The following PNPLA8 variants were observed in gnomAD, a reference collection of about 807,000 sequenced individuals.
The protein encoded by PNPLA8 is patatin like domain 8, phospholipase A2.
A neutral mutation model predicts 76.9 loss-of-function variants in PNPLA8; 39 were observed. The observed-to-expected ratio is 0.51, with a 90% CI of 0.39 to 0.66. The LOEUF (loss-of-function observed/expected upper bound fraction) is 0.66. PNPLA8 is among the 30% of genes least tolerant of loss of function. The pLI is 0.00. For missense variants in PNPLA8, 887 were observed against 918.0 expected, an observed-to-expected ratio of 0.97 and a Z score of 0.44; for synonymous variants, 301 against 307.9, an observed-to-expected ratio of 0.98 and a Z score of 0.24.
At chr7:108,497,370 G>A (rs1425553118) in intron 6 of PNPLA8, 113 bp downstream of exon 6, 2 of 655,254 alleles carry the variant, frequency 3.1e-6, no homozygotes, top group Non-Finnish European at 5.0e-6. Flanking sequence ...AAATTTTGGG[G>A]TATGGAGAGA....
intron 7 of PNPLA8, among the ~76,000 whole-genome samples, chr7:108,491,914 A>G (rs1277451256): frequency 6.6e-6 from 1 of 152,232 alleles, no homozygotes; most frequent in Non-Finnish European, 1.5e-5. Context: ...AGTTAGAGTA[A>G]CCAGGTGAGG....
intron 5 of PNPLA8, 90 bp downstream of exon 5, chr7:108,502,401 C>G (rs1598923733): frequency 1.8e-6 from 2 of 1,094,796 alleles, no homozygotes; most frequent in Non-Finnish European, 2.5e-6. Context: ...TGAGATTGTG[C>G]CACTGCACTC....
intron 1 of PNPLA8, among the ~76,000 whole-genome samples, chr7:108,523,164 G>A (rs1374997963): frequency 6.6e-6 from 1 of 152,162 alleles, no homozygotes; most frequent in Non-Finnish European, 1.5e-5. Context: ...CTTAGAGAAG[G>A]GAATGGAGTT....
At chr7:108,518,720 AATATATATATATATATATATAT>A (rs148834592) in intron 2 of PNPLA8, among the ~76,000 whole-genome samples, 5 of 123,952 alleles carry the variant, frequency 4.0e-5, no homozygotes, top group South Asian at 5.5e-4. Context: ...TATGCACATG[AATATATATATATATATATATAT>A]ATATATATAT....
chr7:108,514,108 C>T, intron 4 of PNPLA8, 36 bp downstream of exon 4: 1 of 1,456,396 alleles, frequency 6.9e-7, no homozygotes, highest in Non-Finnish European at 9.4e-7. Flanking sequence ...TACTTCTATT[C>T]CAAGACAAAA....
intron 4 of PNPLA8, among the ~76,000 whole-genome samples, chr7:108,509,431 C>T (rs1862719329): frequency 6.7e-6 from 1 of 149,882 alleles, no homozygotes; most frequent in Admixed American, 6.6e-5. Context: ...AAAAAATGCT[C>T]ATCATCACTG....
At position 108,515,451 on chromosome 7, in the gene PNPLA8, A is replaced by T; in HGVS notation, c.41T>A (p.Leu14His). ...NLTVDIYIYL[L>H]SNARSVCGKQ... ...CCCACAAACACTTCTTGCATTACTA[A>T]GGAGGTAAATATATATATCTACAGT... The change falls in exon 3 of 11, where the codon CTT (leucine) becomes CAT (histidine). Residue 14 changes from leucine (L) to histidine (H), a missense_variant. By Grantham distance (99) the Leu-to-His change is moderately conservative (BLOSUM62 -3). Transcript: ENST00000257694. 1 of 1,589,486 alleles carries T rather than the reference A, an allele frequency of 6.3e-7. No individual in the cohort carries two copies. The highest frequency in any genetic ancestry group is 1.4e-5 in the African/African-American group (1 of 73,946).
intron 4 of PNPLA8, chr7:108,510,803 C>T (rs1415343673): frequency 3.5e-5 from 56 of 1,600,840 alleles, no homozygotes; most frequent in Non-Finnish European, 4.6e-5. Flanking sequence ...GGATCTGATT[C>T]ATGAGATCTA....
In PNPLA8 at chr7:108,515,270, T is replaced by C. The variant is rs746783384; in HGVS notation, c.222A>G (p.Pro74=). 40 of 1,605,224 alleles carry C rather than the reference T, an allele frequency of 2.5e-5. No individual in the cohort carries two copies. The highest frequency in any genetic ancestry group is 3.1e-5 in the Non-Finnish European group (37 of 1,175,490). ...AHSCSKHCYS[P]SNHGLHIGIL... ...TCCCAATATGTAAACCATGGTTGCTTGGAGAGTAACAGTGCTTACTGCAAG... is the reference window on the plus strand; with the variant it reads ...TCCCAATATGTAAACCATGGTTGCTCGGAGAGTAACAGTGCTTACTGCAAG... The change falls in exon 3 of 11, where the codon CCA becomes CCG. Residue 74 remains proline (P), a synonymous_variant. Coordinates refer to ENST00000257694, the MANE Select transcript of PNPLA8 (RefSeq NM_001256007.3).
intron 5 of PNPLA8, among the ~76,000 whole-genome samples, chr7:108,502,135 T>A (rs1861994694): frequency 1.3e-5 from 2 of 151,766 alleles, no homozygotes; most frequent in African/African-American, 4.8e-5. Flanking sequence ...CTGAATTGAA[T>A]CTGTAGTTTT....
chr7:108,487,625 C>G, intron 9 of PNPLA8, 134 bp downstream of exon 9: 1 of 478,726 alleles, frequency 2.1e-6, no homozygotes, highest in Non-Finnish European at 3.7e-6. Context: ...CTAAATTGTT[C>G]TTCTTTTGAG....
chr7:108,518,622 G>A (rs370968178), intron 2 of PNPLA8, among the ~76,000 whole-genome samples: 2 of 151,132 alleles, frequency 1.3e-5, no homozygotes, highest in African/African-American at 2.4e-5. Flanking sequence ...GGAAACGTCT[G>A]TACCTTCCTC....
chr7:108,527,936 A>G (rs1282170661), upstream of PNPLA8: 5 of 152,134 alleles, frequency 3.3e-5, no homozygotes, highest in Non-Finnish European at 7.4e-5. Context: ...TTCATCCCCT[A>G]ATTTAGTCAG....
At chr7:108,501,638 C>A (rs1253372544) in intron 5 of PNPLA8, among the ~76,000 whole-genome samples, 1 of 152,028 alleles carries the variant, frequency 6.6e-6, no homozygotes, top group Non-Finnish European at 1.5e-5. Flanking sequence ...GCCTAGACAA[C>A]ATGGTGAAAT....
intron 8 of PNPLA8, 148 bp downstream of exon 8, chr7:108,491,262 G>A (rs1184139505): frequency 9.8e-5 from 56 of 572,944 alleles, no homozygotes; most frequent in South Asian, 5.8e-4. Context: ...AGCCGAGATC[G>A]TGCTATTGCA....
intron 9 of PNPLA8, among the ~76,000 whole-genome samples, chr7:108,479,952 T>C (rs530363741): frequency 1.3e-5 from 2 of 152,324 alleles, no homozygotes; most frequent in South Asian, 4.1e-4. Flanking sequence ...AATATGCTGA[T>C]AGAGCACTAT....
At chr7:108,488,667 T>C (rs936116329) in intron 8 of PNPLA8, among the ~76,000 whole-genome samples, 1 of 152,214 alleles carries the variant, frequency 6.6e-6, no homozygotes, top group African/African-American at 2.4e-5. Context: ...TGAAAGTATT[T>C]TGACTTCAAT....
At chr7:108,526,974 A>G (rs1864120162), upstream of PNPLA8, among the ~76,000 whole-genome samples, 1 of 152,248 alleles carries the variant, frequency 6.6e-6, no homozygotes, top group African/African-American at 2.4e-5. Flanking sequence ...ATAGCTTTGC[A>G]TTCCTATACA....
chr7:108,506,126 C>T (rs1862401515), intron 4 of PNPLA8, among the ~76,000 whole-genome samples: 1 of 152,032 alleles, frequency 6.6e-6, no homozygotes, highest in African/African-American at 2.4e-5. Flanking sequence ...GGCTGTAATC[C>T]CAATACTTTG....
Sources: gnomAD v4.1 joint callset for allele counts (sites outside exome capture counted in the v4.1 genomes callset) on GRCh38, gnomAD v4.1.1 for gene constraint, MANE v1.5 for transcripts, NCBI Gene and HGNC (gene_info 2026-07-23, HGNC 2026-07-21) for gene names.